The following KCNH3 variants were observed in gnomAD, a reference collection of about 807,000 sequenced individuals.
KCNH3 encodes the protein voltage-gated inwardly rectifying potassium channel KCNH3.
In KCNH3, 36 loss-of-function variants were observed where a neutral mutation model predicts 95.6. The observed-to-expected ratio is 0.38, with a 90% CI of 0.29 to 0.50. The LOEUF is 0.50. KCNH3 is among the 20% of genes least tolerant of loss of function. KCNH3 has a pLI of 0.95. For synonymous variants in KCNH3, 620 were observed against 646.3 expected, an observed-to-expected ratio of 0.96 and a Z score of 0.62; for missense variants, 1,030 against 1,484.1, an observed-to-expected ratio of 0.69 and a Z score of 5.03.
At position 49,555,881 on chromosome 12, in the gene KCNH3, C is replaced by G. The variant is rs747295139; in HGVS notation, c.2398C>G (p.Pro800Ala). The G allele has an allele frequency of 6.2e-7, 1 of 1,605,736 alleles. No individual in the cohort carries two copies. The highest frequency in any genetic ancestry group is 1.3e-5 in the African/African-American group (1 of 74,800). ...ALKAEAGPSAPPRALEGLRLP... is the reference protein window; with the variant it reads ...ALKAEAGPSAAPRALEGLRLP... ...GAAGGCTGAGGCTGGCCCCTCTGCT[C>G]CCCCACGGGCCCTAGAGGGGCTACG... Residue 800 changes from proline (P) to alanine (A), a missense_variant, in exon 12 of 15, where the codon CCC (proline) becomes GCC (alanine). By Grantham distance (27) the Pro-to-Ala change is conservative. Transcript: ENST00000257981.
chr12:49,541,819 G>T, intron 3 of KCNH3, 55 bp downstream of exon 3: 1 of 1,596,990 alleles, frequency 6.3e-7, no homozygotes, highest in Non-Finnish European at 8.5e-7. Flanking sequence ...GCCCGGGCGG[G>T]GCCTTGGCAC....
Position 49,557,798 on chromosome 12 carries a change from G to A in KCNH3, c.3097G>A (p.Val1033Met), listed in dbSNP as rs1938528821. 6.2e-7 allele frequency: 1 copy of A among 1,606,104 alleles called. No homozygotes were observed. Among genetic ancestry groups the A allele is most frequent in the African/African-American group, 1.3e-5 (1 of 74,882 alleles). Residue 1033 changes from valine (V) to methionine (M), a missense_variant, in exon 15 of 15, where the codon GTG (valine) becomes ATG (methionine). Val to Met is a conservative substitution (Grantham distance 21, BLOSUM62 1). Transcript: ENST00000257981. ...EGARTGPAEP[V>M]SQAEATSTGE... ...GGCTAGGACTGGGCCCGCAGAGCCT[G>A]TGAGCCAGGCTGAGGCTACCAGCAC...
At chr12:49,548,095 CGTGTGTGT>C (rs369626063) in intron 7 of KCNH3, among the ~76,000 whole-genome samples, 18,769 of 146,688 alleles carry the variant, frequency 0.13, 1,406 homozygotes, top group African/African-American at 0.22. Context: ...CCTGTGACTA[CGTGTGTGT>C]GTGTGTGTGT....
chr12:49,545,779 A>G (rs1272501646), intron 7 of KCNH3, among the ~76,000 whole-genome samples: 3 of 152,040 alleles, frequency 2.0e-5, no homozygotes, highest in Non-Finnish European at 4.4e-5. Flanking sequence ...TTTCCTGGGA[A>G]CTACAAGGCT....
At chr12:49,556,610 C>G in intron 13 of KCNH3, 134 bp downstream of exon 13, 1 of 737,648 alleles carries the variant, frequency 1.4e-6, no homozygotes, top group Admixed American at 2.0e-5. Flanking sequence ...ACCCCACTAC[C>G]CCTTGGTGTC....
chr12:49,557,297 G>A, intron 14 of KCNH3, 38 bp downstream of exon 14: 1 of 1,613,740 alleles, frequency 6.2e-7, no homozygotes, highest in Admixed American at 1.7e-5. Context: ...GGGGGCACCA[G>A]GGGAAGGCAC....
chr12:49,556,978 G>C lies in KCNH3; in HGVS notation c.2576-205G>C, dbSNP rs540895730. Among the ~76,000 whole-genome samples, 31 of 152,300 alleles carry C rather than the reference G, an allele frequency of 2.0e-4. 1 individual carries two copies. The South Asian group carries it at 6.2e-3, about 31-fold the overall frequency. On this transcript the variant is annotated intron_variant, in intron 13 of 14. Coordinates refer to ENST00000257981, the MANE Select transcript of KCNH3 (RefSeq NM_012284.3). The stretch of plus-strand genomic sequence containing the variant: ...TTGAGGGGAAGGAGAGCACTAGGCA[G>C]TGTGGCTGAGGGCTGCTGGGTGGTG...
Position 49,544,252 on chromosome 12 carries a change from G to A in KCNH3, c.1059G>A (p.Ser353=), listed in dbSNP as rs527456507. ...LRLLPRLDRY[S]QYSAVVLTLL... is the part of the protein sequence containing the mutation. ...TGCTTCCGCGGCTGGACCGGTACTC[G>A]CAGTACAGCGCCGTGGTGCTGACAC... is the stretch of plus-strand genomic sequence containing the variant. Residue 353 remains serine, a synonymous_variant, in exon 7 of 15, where the codon TCG becomes TCA. Coordinates refer to ENST00000257981, the MANE Select transcript of KCNH3 (RefSeq NM_012284.3). 111 of 1,604,114 alleles carry A rather than the reference G, an allele frequency of 6.9e-5. 1 individual carries two copies. The highest frequency in any genetic ancestry group is 3.2e-4 in the South Asian group (29 of 90,130).
chr12:49,554,440 G>A lies in KCNH3; in HGVS notation c.2022G>A (p.Gln674=). 1 of 1,613,322 alleles carries A rather than the reference G, an allele frequency of 6.2e-7. No individual in the cohort carries two copies. The highest frequency in any genetic ancestry group is 8.5e-7 in the Non-Finnish European group (1 of 1,180,048). The change falls in exon 11 of 15, where the codon CAG becomes CAA. Residue 674 remains glutamine, a synonymous_variant. Coordinates refer to ENST00000257981, the MANE Select transcript of KCNH3 (RefSeq NM_012284.3). ...CGTACTGCGTCCTGCAGTGTCTGCA[G>A]CTGGCTGGCCTGCACGACAGCCTTG... ...GLTYCVLQCL[Q]LAGLHDSLAL... is the part of the protein sequence containing the mutation.
chr12:49,542,608 AC>A (rs775441938), intron 3 of KCNH3, 97 bp from the exon 4 acceptor site: 8 of 1,376,970 alleles, frequency 5.8e-6, no homozygotes, highest in Non-Finnish European at 7.7e-6. Context: ...AATGAGCCAG[AC>A]CAGTCCATGG....
Position 49,549,106 on chromosome 12 carries a change from C to A in KCNH3, c.1401C>A (p.Gly467=), listed in dbSNP as rs573268475. 57 of 1,612,596 alleles carry A rather than the reference C, an allele frequency of 3.5e-5. 1 individual carries two copies. The South Asian group carries it at 6.1e-4, about 17-fold the overall frequency. The change falls in exon 8 of 15, where the codon GGC becomes GGA. Residue 467 remains glycine, a synonymous_variant. Coordinates refer to ENST00000257981, the MANE Select transcript of KCNH3 (RefSeq NM_012284.3). ...CACTCAGCAGCCTCACCAGCGTGGG[C>A]TTCGGCAACGTGTCCGCCAACACGG... ...YFALSSLTSV[G]FGNVSANTDT...
intron 10 of KCNH3, among the ~76,000 whole-genome samples, chr12:49,553,384 C>T (rs931849565): frequency 2.0e-5 from 3 of 152,126 alleles, no homozygotes; most frequent in African/African-American, 4.8e-5. Context: ...TGAGCTCAAG[C>T]GATCCTCCTG....
At position 49,557,519 on chromosome 12, in the gene KCNH3, G is replaced by A. The variant is rs1938516123; in HGVS notation, c.2818G>A (p.Val940Met). The change falls in exon 15 of 15, where the codon GTG becomes ATG. Residue 940 changes from valine to methionine, a missense_variant. Physicochemically the swap from Val to Met is conservative, Grantham distance 21. This residue lies in a region of KCNH3 where 464 missense variants were observed against 493.2 expected (regional missense o/e 0.94). Transcript: ENST00000257981. ...STSGLLQPLC[V>M]DTGASSYCLQ... ...CTCCGGGCTTCTGCAGCCTCTGTGTGTGGACACTGGGGCATCCTCCTACTG... is the reference window on the plus strand; with the variant it reads ...CTCCGGGCTTCTGCAGCCTCTGTGTATGGACACTGGGGCATCCTCCTACTG... 1.9e-6 allele frequency: 3 copies of A among 1,611,752 alleles called. No homozygotes were observed. In the East Asian group the frequency reaches 6.7e-5, roughly 36 times the overall value.
At position 49,549,466 on chromosome 12, in the gene KCNH3, G is replaced by A; in HGVS notation, c.1494G>A (p.Gly498=). 1 of 1,613,518 alleles carries A rather than the reference G, an allele frequency of 6.2e-7. No individual in the cohort carries two copies. The highest frequency in any genetic ancestry group is 1.1e-5 in the South Asian group (1 of 91,088). The change falls in exon 9 of 15, where the codon GGG becomes GGA. Residue 498 remains glycine, a synonymous_variant. Coordinates refer to ENST00000257981, the MANE Select transcript of KCNH3 (RefSeq NM_012284.3). ...CCCTGATGCACGCGGTGGTGTTTGG[G>A]AACGTGACGGCCATCATCCAGCGCA... is the stretch of plus-strand genomic sequence containing the variant. ...IGALMHAVVF[G]NVTAIIQRMY... is the part of the protein sequence containing the mutation.
At chr12:49,540,763 C>G in intron 1 of KCNH3, 136 bp from the exon 2 acceptor site, 1 of 649,248 alleles carries the variant, frequency 1.5e-6, no homozygotes, top group Non-Finnish European at 2.7e-6. Context: ...TATTCATAAA[C>G]AGCCCTGCCT....
intron 7 of KCNH3, chr12:49,546,140 G>C (rs554364370): frequency 3.3e-5 from 5 of 152,120 alleles, no homozygotes; most frequent in Non-Finnish European, 7.3e-5. Flanking sequence ...CCTCACAGGG[G>C]TTGCTGATCT....
At chr12:49,549,334 C>A (rs1429908508) in intron 8 of KCNH3, 107 bp from the exon 9 acceptor site, 1 of 1,474,638 alleles carries the variant, frequency 6.8e-7, no homozygotes. Flanking sequence ...CGCACAGCGG[C>A]CTTCAGGCCT....
At chr12:49,549,933 TG>T in intron 9 of KCNH3, 146 bp from the exon 10 acceptor site, 1 of 874,370 alleles carries the variant, frequency 1.1e-6, no homozygotes, top group Non-Finnish European at 1.7e-6. Flanking sequence ...CCACCCTGTG[TG>T]GAGCTTGGAG....
At chr12:49,543,723 C>T (rs988701849) in intron 5 of KCNH3, 192 bp from the exon 6 acceptor site, 1 of 1,020,390 alleles carries the variant, frequency 9.8e-7, no homozygotes, top group African/African-American at 1.6e-5. Context: ...CCTCTCTGAG[C>T]CTCCATAAAA....
Sources: allele counts gnomAD v4.1 joint callset (sites outside exome capture counted in the v4.1 genomes callset), GRCh38; gene constraint gnomAD v4.1.1; regional missense constraint gnomAD v4.1.1; transcripts MANE v1.5; gene names NCBI Gene and HGNC (gene_info 2026-07-23, HGNC 2026-07-21).